The following PRRX1 variants were observed in gnomAD, a reference collection of about 807,000 sequenced individuals.
PRRX1 encodes the protein paired related homeobox 1, also known as paired mesoderm homeobox protein 1.
Under a neutral mutation model 24.0 loss-of-function variants are expected in PRRX1, and 8 were observed. The observed-to-expected ratio is 0.33, with a 90% CI of 0.20 to 0.60. The LOEUF (loss-of-function observed/expected upper bound fraction) is 0.60, where lower values mean the gene tolerates loss of function less well. Among genes scored for constraint, PRRX1 ranks in the 20% least tolerant of loss-of-function variants. The pLI is 0.82. For missense variants in PRRX1, 281 were observed against 322.4 expected, an observed-to-expected ratio of 0.87 and a Z score of 0.98; for synonymous variants, 160 against 131.7, an observed-to-expected ratio of 1.22 and a Z score of -1.47.
intron 3 of PRRX1, among the ~76,000 whole-genome samples, chr1:170,734,776 C>T (rs533027369): frequency 1.3e-5 from 2 of 152,248 alleles, no homozygotes; most frequent in African/African-American, 4.8e-5. Flanking sequence ...TATTTCTTAA[C>T]TTAATTTTCT....
upstream of PRRX1, chr1:170,663,295 C>T (rs1652788799): frequency 6.6e-6 from 1 of 152,164 alleles, no homozygotes; most frequent in African/African-American, 2.4e-5. Flanking sequence ...GATCTGCCCT[C>T]CCAGGGGTCT....
intron 1 of PRRX1, among the ~76,000 whole-genome samples, chr1:170,681,611 T>A (rs999378543): frequency 1.3e-5 from 2 of 152,102 alleles, no homozygotes; most frequent in African/African-American, 2.4e-5. Context: ...AAGATAGTAC[T>A]AGAGAAGAAA....
chr1:170,677,992 C>T (rs139569955), intron 1 of PRRX1, among the ~76,000 whole-genome samples: 368 of 152,244 alleles, frequency 2.4e-3, no homozygotes, highest in African/African-American at 8.4e-3. Context: ...AGGCCAACCA[C>T]GTTAATTTCT....
intron 1 of PRRX1, among the ~76,000 whole-genome samples, chr1:170,671,253 A>T (rs1315564980): frequency 6.6e-6 from 1 of 152,228 alleles, no homozygotes; most frequent in Non-Finnish European, 1.5e-5. Context: ...GAGTCGGAAC[A>T]GGGGGCTCTT....
intron 1 of PRRX1, among the ~76,000 whole-genome samples, chr1:170,708,358 T>C (rs975121561): frequency 3.9e-5 from 6 of 152,136 alleles, no homozygotes; most frequent in African/African-American, 1.4e-4. Flanking sequence ...GTGCATCGGC[T>C]TCCTTACTAG....
At chr1:170,672,841 C>T (rs763483468) in intron 1 of PRRX1, among the ~76,000 whole-genome samples, 4 of 152,168 alleles carry the variant, frequency 2.6e-5, no homozygotes, top group Non-Finnish European at 4.4e-5. Context: ...TGGTTTGGGC[C>T]GGGAGGGTGG....
intron 1 of PRRX1, among the ~76,000 whole-genome samples, chr1:170,697,249 T>C (rs558792839): frequency 6.6e-6 from 1 of 152,282 alleles, no homozygotes; most frequent in East Asian, 1.9e-4. Flanking sequence ...GGGAACTAAT[T>C]TCCATTGGGA....
intron 2 of PRRX1, among the ~76,000 whole-genome samples, chr1:170,723,817 C>T (rs1487118964): frequency 6.6e-6 from 1 of 152,190 alleles, no homozygotes; most frequent in Non-Finnish European, 1.5e-5. Flanking sequence ...CAAGCCTGTA[C>T]AGCATATTAC....
At chr1:170,715,775 A>G (rs925700025) in intron 1 of PRRX1, among the ~76,000 whole-genome samples, 1 of 152,244 alleles carries the variant, frequency 6.6e-6, no homozygotes, top group African/African-American at 2.4e-5. Context: ...TTTAATGGCT[A>G]TTCTGGTAGA....
In PRRX1 at chr1:170,713,896, G is replaced by A. The variant is rs555304495; in HGVS notation, c.242-5830G>A. 5.3e-5 allele frequency among the ~76,000 whole-genome samples: 8 copies of A among 152,280 alleles called. No homozygotes were observed. In the South Asian group the frequency reaches 8.3e-4, roughly 16 times the overall value. On this transcript the variant is annotated intron_variant, in intron 1 of 3. Coordinates refer to ENST00000239461, the MANE Select transcript of PRRX1 (RefSeq NM_022716.4). ...TCAGGTAGCTGTGCTGTGATAATGC[G>A]CAATAGCTGCACAGTTGGGTATTTG...
chr1:170,722,886 A>C (rs1047937033), intron 2 of PRRX1, among the ~76,000 whole-genome samples: 1 of 152,182 alleles, frequency 6.6e-6, no homozygotes, highest in African/African-American at 2.4e-5. Context: ...GAATATTTTT[A>C]GGTAGGAAAG....
chr1:170,706,306 G>A (rs1444613926), intron 1 of PRRX1, among the ~76,000 whole-genome samples: 3 of 152,112 alleles, frequency 2.0e-5, no homozygotes, highest in Non-Finnish European at 4.4e-5. Flanking sequence ...GAGGTAATTA[G>A]CAATTAAGTA....
intron 1 of PRRX1, among the ~76,000 whole-genome samples, chr1:170,685,448 A>C (rs1273980223): frequency 6.6e-6 from 1 of 152,194 alleles, no homozygotes; most frequent in East Asian, 1.9e-4. Flanking sequence ...TCTGCAAGAC[A>C]CATTTAGAGG....
chr1:170,666,020 G>T (rs549567052), intron 1 of PRRX1, among the ~76,000 whole-genome samples: 27 of 152,382 alleles, frequency 1.8e-4, no homozygotes, highest in African/African-American at 5.8e-4. Flanking sequence ...GGCTGCACCC[G>T]CAGCATTACT....
rs1192083108 is a variant in PRRX1 at position 170,731,313 on chromosome 1, A to G, written c.600-4735A>G. On this transcript the variant is annotated intron_variant, in intron 3 of 3. Coordinates refer to ENST00000239461, the MANE Select transcript of PRRX1 (RefSeq NM_022716.4). ...AACACCGTAACCCCTACAGTCTTTG[A>G]AAAAATCCTGAGCTGGTGAAACCCA... is the stretch of plus-strand genomic sequence containing the variant. Among the ~76,000 whole-genome samples, 4 of 149,022 alleles carry G rather than the reference A, an allele frequency of 2.7e-5. No individual in the cohort carries two copies. The Admixed American group carries it at 2.7e-4, about 10-fold the overall frequency.
chr1:170,725,145 T>C lies in PRRX1; in HGVS notation c.418-1075T>C, dbSNP rs761217924. Among the ~76,000 whole-genome samples the C allele has an allele frequency of 6.6e-5, 10 of 152,326 alleles. No individual in the cohort carries two copies. The South Asian group carries it at 1.9e-3, about 28-fold the overall frequency. On this transcript the variant is annotated intron_variant, in intron 2 of 3. Transcript: ENST00000239461. Reference sequence around the variant, plus strand: ...ATACTGATTTTGCACCCTGAGACTTTGCTGAAGTTGCTTATCAGCTTAAGA... The same window carrying C: ...ATACTGATTTTGCACCCTGAGACTTCGCTGAAGTTGCTTATCAGCTTAAGA...
At chr1:170,696,027 A>C (rs879133735) in intron 1 of PRRX1, among the ~76,000 whole-genome samples, 1 of 152,154 alleles carries the variant, frequency 6.6e-6, no homozygotes, top group African/African-American at 2.4e-5. Context: ...AGTTTTCTCT[A>C]TCTTTAGCAG....
chr1:170,685,360 G>C (rs1043491386), intron 1 of PRRX1, among the ~76,000 whole-genome samples: 6 of 152,296 alleles, frequency 3.9e-5, no homozygotes, highest in Admixed American at 3.9e-4. Context: ...GGTGATTCAA[G>C]TGTGGGCTAG....
rs1655682014 is a variant in PRRX1, at chr1:170,738,118, C to G, written c.*1932C>G. 4.6e-6 allele frequency: 1 copy of G among 217,862 alleles called. No homozygotes were observed. The highest frequency in any genetic ancestry group is 5.8e-5 in the Admixed American group (1 of 17,260). 13.5% of individuals were successfully genotyped at this position (217,862 alleles called of 1,614,324 possible). On this transcript the variant is annotated 3_prime_UTR_variant, in exon 4 of 4. Coordinates refer to ENST00000239461, the MANE Select transcript of PRRX1 (RefSeq NM_022716.4). ...AGATTTTTTTAATTTATATTTTCAT[C>G]CTGACCAGCTTAGTTCTAATAATTT...
Sources: gnomAD v4.1 joint callset for allele counts (sites outside exome capture counted in the v4.1 genomes callset) on GRCh38, gnomAD v4.1.1 for gene constraint, MANE v1.5 for transcripts, NCBI Gene and HGNC (gene_info 2026-07-23, HGNC 2026-07-21) for gene names.